Variants in SLC39A14 observed in about 807,000 individuals in gnomAD.
SLC39A14 encodes metal cation symporter ZIP14.
Under a neutral mutation model 45.5 loss-of-function variants are expected in SLC39A14, and 19 were observed. The observed-to-expected ratio is 0.42, with a 90% CI of 0.29 to 0.61. The LOEUF (loss-of-function observed/expected upper bound fraction) is 0.61. Ranked by LOEUF, SLC39A14 falls within the 20% of genes least tolerant of loss-of-function variation. The probability of loss-of-function intolerance (pLI) is 0.22; values close to 1 mark genes in which losing one functional copy is unlikely to be tolerated. For missense variants in SLC39A14, 447 were observed against 616.5 expected (o/e 0.73, Z 2.91); for synonymous variants, 264 against 251.3 (o/e 1.05, Z -0.48).
chr8:22,373,073 C>T (rs1164297694), intron 1 of SLC39A14, among the ~76,000 whole-genome samples: 5 of 152,042 alleles, frequency 3.3e-5, no homozygotes, highest in African/African-American at 9.7e-5. Context: ...ACCATCCTGG[C>T]CAACATGGTG....
chr8:22,424,195 TA>T (rs1836343645), downstream of SLC39A14, among the ~76,000 whole-genome samples: 1 of 152,214 alleles, frequency 6.6e-6, no homozygotes, highest in South Asian at 2.1e-4. Context: ...TTCTCTTACA[TA>T]AACTTGAAAC....
chr8:22,397,797 C>G (rs892265366), intron 1 of SLC39A14, among the ~76,000 whole-genome samples: 2 of 152,176 alleles, frequency 1.3e-5, no homozygotes, highest in Non-Finnish European at 2.9e-5. Context: ...GCTCAGCGGT[C>G]ACAGCCCTAG....
intron 1 of SLC39A14, among the ~76,000 whole-genome samples, chr8:22,382,661 A>G (rs1388516701): frequency 2.0e-5 from 3 of 152,132 alleles, no homozygotes; most frequent in Admixed American, 6.6e-5. Flanking sequence ...CACAGAAGTG[A>G]GACCCTGACT....
intron 1 of SLC39A14, among the ~76,000 whole-genome samples, chr8:22,401,462 A>G (rs73544036): frequency 0.16 from 24,225 of 151,826 alleles, 4,436 homozygotes; most frequent in African/African-American, 0.45. Context: ...TGGTTAACAA[A>G]AGAAAAATCG....
At chr8:22,433,079 C>T (rs1287901555) in intron 8 of SLC39A14, among the ~76,000 whole-genome samples, 2 of 152,072 alleles carry the variant, frequency 1.3e-5, no homozygotes, top group Admixed American at 1.3e-4. Context: ...GCTGGGATTA[C>T]AGTCATGAGC....
intron 8 of SLC39A14, 44 bp downstream of exon 8, chr8:22,417,879 A>T (rs751678319): frequency 7.8e-6 from 12 of 1,534,798 alleles, no homozygotes; most frequent in South Asian, 7.0e-5. Context: ...GGCTAAGGGG[A>T]TGGATGTTAG....
intron 1 of SLC39A14, among the ~76,000 whole-genome samples, chr8:22,370,397 A>G (rs1205715599): frequency 6.6e-6 from 1 of 152,174 alleles, no homozygotes; most frequent in South Asian, 2.1e-4. Flanking sequence ...TCTCCCCACT[A>G]TGTCAGGATA....
chr8:22,388,481 C>G (rs1458824277), intron 1 of SLC39A14, among the ~76,000 whole-genome samples: 1 of 151,816 alleles, frequency 6.6e-6, no homozygotes, highest in Non-Finnish European at 1.5e-5. Context: ...GGAGAGACCC[C>G]TGACTCCCAG....
chr8:22,406,685 C>T (rs1835234619), intron 2 of SLC39A14, among the ~76,000 whole-genome samples: 1 of 152,006 alleles, frequency 6.6e-6, no homozygotes. Flanking sequence ...AGCGAGACTC[C>T]ATCTCAAAAA....
At chr8:22,416,722 A>C (rs1290738413) in intron 7 of SLC39A14, among the ~76,000 whole-genome samples, 1 of 151,940 alleles carries the variant, frequency 6.6e-6, no homozygotes, top group Non-Finnish European at 1.5e-5. Context: ...GGCTTGAGCC[A>C]CCGAACGTGG....
chr8:22,374,538 G>T (rs1051742297), intron 1 of SLC39A14, among the ~76,000 whole-genome samples: 1 of 149,118 alleles, frequency 6.7e-6, no homozygotes, highest in Non-Finnish European at 1.5e-5. Context: ...AGAGCCGTGT[G>T]AATGCTGGTG....
In SLC39A14 at chr8:22,420,256, C is replaced by G. The variant is rs957392476; in HGVS notation, c.*558C>G. On this transcript the variant is annotated 3_prime_UTR_variant, in exon 9 of 9. Coordinates refer to ENST00000381237, the MANE Select transcript of SLC39A14 (RefSeq NM_001128431.4). Reference sequence around the variant, plus strand: ...AGAACCTGAAGTCAGAACACATGAGCAGGGTGAGAGGTGAGGCAAGGTTCA... The same window carrying G: ...AGAACCTGAAGTCAGAACACATGAGGAGGGTGAGAGGTGAGGCAAGGTTCA... The G allele has an allele frequency of 3.0e-6, 3 of 985,406 alleles. No homozygotes were observed. The African/African-American group carries it at 5.2e-5, about 17-fold the overall frequency. 61.0% of individuals were successfully genotyped at this position (985,406 alleles called of 1,614,324 possible).
chr8:22,398,824 C>G (rs1834672206), intron 1 of SLC39A14: 3 of 895,368 alleles, frequency 3.4e-6, no homozygotes, highest in Non-Finnish European at 4.0e-6. Context: ...TTATGGGCCT[C>G]TGGATGGTAA....
chr8:22,423,593 C>T (rs1432073316), downstream of SLC39A14, among the ~76,000 whole-genome samples: 1 of 152,094 alleles, frequency 6.6e-6, no homozygotes, highest in Admixed American at 6.6e-5. Context: ...CCTCGGCCTC[C>T]CAAAGTGCTG....
intron 1 of SLC39A14, among the ~76,000 whole-genome samples, chr8:22,375,644 C>A (rs1008561626): frequency 6.6e-6 from 1 of 152,096 alleles, no homozygotes; most frequent in African/African-American, 2.4e-5. Context: ...CATGCACCAC[C>A]ATGCCCGGCT....
At chr8:22,430,014 A>G (rs1300363711) in intron 8 of SLC39A14, among the ~76,000 whole-genome samples, 4 of 152,234 alleles carry the variant, frequency 2.6e-5, no homozygotes. Flanking sequence ...ATTTGAGGCC[A>G]GTATGTGTAA....
chr8:22,399,465 G>A (rs1267850582), intron 1 of SLC39A14, among the ~76,000 whole-genome samples: 1 of 152,236 alleles, frequency 6.6e-6, no homozygotes, highest in Non-Finnish European at 1.5e-5. Context: ...AACCCTTGCG[G>A]GTGAGTGCAT....
chr8:22,418,948 G>A lies in SLC39A14; in HGVS notation c.1333-604G>A, dbSNP rs538817635. On this transcript the variant is annotated intron_variant, in intron 8 of 8. Coordinates refer to ENST00000381237, the MANE Select transcript of SLC39A14 (RefSeq NM_001128431.4). ...GGAGGCTGAAGTGGGACAATTGCTC[G>A]AGCCCAGGAGTTTGAGGCTGCAGTG... Among the ~76,000 whole-genome samples the A allele has an allele frequency of 2.6e-5, 4 of 152,064 alleles. No homozygotes were observed. The South Asian group carries it at 6.2e-4, about 24-fold the overall frequency.
chr8:22,374,403 A>G (rs1284022089), intron 1 of SLC39A14, among the ~76,000 whole-genome samples: 1 of 152,104 alleles, frequency 6.6e-6, no homozygotes, highest in Admixed American at 6.5e-5. Context: ...AGTGGAACAG[A>G]GGAGGGGTAC....
Sources: allele counts gnomAD v4.1 joint callset (sites outside exome capture counted in the v4.1 genomes callset), GRCh38; gene constraint gnomAD v4.1.1; transcripts MANE v1.5; gene names NCBI Gene and HGNC (gene_info 2026-07-23, HGNC 2026-07-21).